LTBP1: variants seen among roughly 807,000 people sequenced by gnomAD.
LTBP1 encodes the protein latent transforming growth factor beta binding protein 1.
In LTBP1, 129 loss-of-function variants were observed where a neutral mutation model predicts 207.6. The ratio of observed to expected loss-of-function variants is 0.62; its 90% CI spans 0.54 to 0.72. LTBP1 has a LOEUF of 0.72. Among genes scored for constraint, LTBP1 ranks in the 30% least tolerant of loss-of-function variants. LTBP1 has a pLI of 0.00. For missense variants in LTBP1, 2,281 were observed against 2,217.2 expected (o/e 1.03, Z -0.58); for synonymous variants, 963 against 833.7 (o/e 1.16, Z -2.67).
Position 33,182,695 on chromosome 2 carries a change from TATATACACACAC to T in LTBP1, c.1202-4159_1202-4148del, listed in dbSNP as rs2086772729. Among the ~76,000 whole-genome samples, 2 of 84,620 alleles carry T rather than the reference TATATACACACAC, an allele frequency of 2.4e-5. 1 individual carries two copies. Among genetic ancestry groups the T allele is most frequent in the Admixed American group, 2.4e-4 (2 of 8,368 alleles). 55.5% of individuals were successfully genotyped at this position (84,620 alleles called of 152,430 possible). The stretch of plus-strand genomic sequence containing the variant: ...AAAGAAGAAAAGATGGTGATATATA[TATATACACACAC>T]ACACACACACACACACACACACACA... On this transcript the variant is annotated intron_variant, in intron 5 of 33. Transcript: ENST00000404816.
At chr2:33,100,009 C>T (rs908900970) in intron 3 of LTBP1, among the ~76,000 whole-genome samples, 6 of 152,190 alleles carry the variant, frequency 3.9e-5, no homozygotes, top group African/African-American at 9.7e-5. Context: ...ATAAAACAAT[C>T]ATGTAAATCA....
At chr2:33,296,934 G>A (rs1172317386) in intron 20 of LTBP1, among the ~76,000 whole-genome samples, 1 of 152,140 alleles carries the variant, frequency 6.6e-6, no homozygotes, top group Non-Finnish European at 1.5e-5. Flanking sequence ...TAGAGAGAAT[G>A]AGTTAAAGCA....
At chr2:33,224,553 A>G (rs1314281680) in intron 9 of LTBP1, among the ~76,000 whole-genome samples, 1 of 152,168 alleles carries the variant, frequency 6.6e-6, no homozygotes, top group Non-Finnish European at 1.5e-5. Flanking sequence ...AGGAGAAGAC[A>G]TTTGGTCCTG....
At chr2:33,397,815 C>T (rs917354432) in intron 33 of LTBP1, among the ~76,000 whole-genome samples, 1 of 152,028 alleles carries the variant, frequency 6.6e-6, no homozygotes, top group Non-Finnish European at 1.5e-5. Flanking sequence ...AGCCACCACG[C>T]CTGGCCTCTT....
At chr2:33,371,111 C>T (rs1187255081) in intron 31 of LTBP1, among the ~76,000 whole-genome samples, 1 of 152,162 alleles carries the variant, frequency 6.6e-6, no homozygotes, top group Non-Finnish European at 1.5e-5. Flanking sequence ...GGGAGCTTTA[C>T]ATAAGGAGAA....
chr2:33,090,039 A>G (rs17325341), intron 3 of LTBP1, among the ~76,000 whole-genome samples: 14,934 of 152,286 alleles, frequency 0.098, 963 homozygotes, highest in Non-Finnish European at 0.14. Flanking sequence ...TACGTGTTTT[A>G]TATACATTTA....
Position 33,236,859 on chromosome 2 carries a change from A to G in LTBP1, c.1877-6803A>G, listed in dbSNP as rs1354943647. Among the ~76,000 whole-genome samples the G allele has an allele frequency of 2.0e-5, 3 of 152,358 alleles. 1 individual carries two copies. Among genetic ancestry groups the G allele is most frequent in the East Asian group, 1.9e-4 (1 of 5,192 alleles). Reference sequence around the variant, plus strand: ...ATGTGTAGCACACATGTGTCAAGAAATAAATACAAGCTGTTCTCTGGGCTC... The same window carrying G: ...ATGTGTAGCACACATGTGTCAAGAAGTAAATACAAGCTGTTCTCTGGGCTC... On this transcript the variant is annotated intron_variant, in intron 9 of 33. Coordinates refer to ENST00000404816, the MANE Select transcript of LTBP1 (RefSeq NM_206943.4).
At chr2:33,345,979 CCTTT>C (rs1215760029) in intron 25 of LTBP1, among the ~76,000 whole-genome samples, 1 of 152,122 alleles carries the variant, frequency 6.6e-6, no homozygotes, top group African/African-American at 2.4e-5. Context: ...ATAAAATTAG[CCTTT>C]CTTTAGGGCT....
intron 2 of LTBP1, among the ~76,000 whole-genome samples, chr2:32,952,436 G>T (rs539624745): frequency 1.3e-5 from 2 of 152,154 alleles, no homozygotes; most frequent in Non-Finnish European, 2.9e-5. Context: ...CGAAATTATC[G>T]TGTGGGATGT....
At chr2:33,307,967 C>G (rs1006172867) in intron 22 of LTBP1, among the ~76,000 whole-genome samples, 1 of 152,136 alleles carries the variant, frequency 6.6e-6, no homozygotes, top group Non-Finnish European at 1.5e-5. Flanking sequence ...ACCAGACAGC[C>G]GGGCGTATTA....
chr2:33,015,490 G>C (rs1325414704), intron 2 of LTBP1, among the ~76,000 whole-genome samples: 1 of 152,156 alleles, frequency 6.6e-6, no homozygotes, highest in African/African-American at 2.4e-5. Context: ...GCTACAGAAA[G>C]TTCTGCATAA....
At chr2:33,305,070 T>G (rs1386538035) in intron 22 of LTBP1, among the ~76,000 whole-genome samples, 1 of 152,158 alleles carries the variant, frequency 6.6e-6, no homozygotes, top group Non-Finnish European at 1.5e-5. Flanking sequence ...TCCCAGCACT[T>G]TGGGAGTTCC....
chr2:33,252,668 C>A lies in LTBP1; in HGVS notation c.2000-9C>A, dbSNP rs1355103587. ...TCATGTAATGTCGGGCTTTATCTCT[C>A]TGCTTCAGCTGATCCCCCTGTGATC... On this transcript the variant is annotated splice_polypyrimidine_tract_variant and intron_variant, in intron 10 of 33. Transcript: ENST00000404816. 1 of 1,604,512 alleles carries A rather than the reference C, an allele frequency of 6.2e-7. No individual in the cohort carries two copies. The highest frequency in any genetic ancestry group is 2.2e-5 in the East Asian group (1 of 44,750).
chr2:33,146,192 G>T (rs564082687), intron 5 of LTBP1, among the ~76,000 whole-genome samples: 7 of 152,358 alleles, frequency 4.6e-5, no homozygotes, highest in African/African-American at 1.7e-4. Context: ...TTGATCTGCT[G>T]CAGTGGTGGC....
chr2:33,186,315 G>A (rs567211079), intron 5 of LTBP1, among the ~76,000 whole-genome samples: 1 of 152,298 alleles, frequency 6.6e-6, no homozygotes, highest in East Asian at 1.9e-4. Flanking sequence ...TACAGGAGAT[G>A]TTTTGATACA....
chr2:33,359,466 C>T (rs1264231433), intron 26 of LTBP1, among the ~76,000 whole-genome samples: 2 of 152,144 alleles, frequency 1.3e-5, no homozygotes, highest in South Asian at 2.1e-4. Flanking sequence ...ATATAATTAT[C>T]TACTAACTTC....
chr2:33,175,661 C>A (rs1050061819), intron 5 of LTBP1, among the ~76,000 whole-genome samples: 1 of 152,230 alleles, frequency 6.6e-6, no homozygotes, highest in African/African-American at 2.4e-5. Flanking sequence ...TGGGTATATA[C>A]CCAAAGGACT....
intron 31 of LTBP1, among the ~76,000 whole-genome samples, chr2:33,367,316 G>C (rs542347873): frequency 6.6e-6 from 1 of 152,148 alleles, no homozygotes; most frequent in East Asian, 1.9e-4. Context: ...TTACAATCTA[G>C]GATCTCTTAA....
At chr2:32,967,761 A>G (rs1212530923) in intron 2 of LTBP1, among the ~76,000 whole-genome samples, 1 of 152,194 alleles carries the variant, frequency 6.6e-6, no homozygotes, top group Non-Finnish European at 1.5e-5. Context: ...TGAATGTGCT[A>G]CGTAATCATG....
Sources: allele counts gnomAD v4.1 joint callset (sites outside exome capture counted in the v4.1 genomes callset), GRCh38; gene constraint gnomAD v4.1.1; transcripts MANE v1.5; gene names NCBI Gene and HGNC (gene_info 2026-07-23, HGNC 2026-07-21).